CDIN1: variants seen among roughly 807,000 people sequenced by gnomAD.
CDIN1 encodes CDAN1 interacting nuclease 1.
Under a neutral mutation model 45.3 loss-of-function variants are expected in CDIN1, and 33 were observed. The ratio of observed to expected loss-of-function variants is 0.73; its 90% CI spans 0.55 to 0.97. The LOEUF is 0.97. Among genes scored for constraint, CDIN1 ranks in the 50% least tolerant of loss-of-function variants. CDIN1 has a pLI of 0.00. For synonymous variants in CDIN1, 118 were observed against 124.4 expected, an observed-to-expected ratio of 0.95 and a Z score of 0.34; for missense variants, 303 against 339.4, an observed-to-expected ratio of 0.89 and a Z score of 0.84.
At chr15:36,613,488 C>T in intron 1 of CDIN1, 1 of 1,550,666 alleles carries the variant, frequency 6.4e-7, no homozygotes, top group South Asian at 1.1e-5. Flanking sequence ...GGGATCACCA[C>T]CATCAAGGCG....
At chr15:36,800,976 G>C (rs2055025645) in intron 10 of CDIN1, among the ~76,000 whole-genome samples, 1 of 127,362 alleles carries the variant, frequency 7.9e-6, no homozygotes, top group Admixed American at 8.8e-5. Context: ...TAGAGAAGGA[G>C]TTTATTTCCC....
intron 5 of CDIN1, among the ~76,000 whole-genome samples, chr15:36,687,970 C>T (rs957458419): frequency 5.9e-5 from 9 of 151,774 alleles, no homozygotes; most frequent in Admixed American, 5.3e-4. Context: ...AAAGTGTAAA[C>T]TATAAATGAA....
At chr15:36,603,788 T>C (rs2038224032) in intron 1 of CDIN1, among the ~76,000 whole-genome samples, 1 of 152,142 alleles carries the variant, frequency 6.6e-6, no homozygotes, top group Admixed American at 6.5e-5. Flanking sequence ...CAGAGAACCC[T>C]GAAAAAAGAG....
intron 10 of CDIN1, among the ~76,000 whole-genome samples, chr15:36,769,956 A>T (rs1426830753): frequency 6.6e-6 from 1 of 152,000 alleles, no homozygotes; most frequent in African/African-American, 2.4e-5. Flanking sequence ...TATGAAATGA[A>T]CCTACAGGGT....
rs16963636 is a variant in CDIN1, at chr15:36,597,304, A to T, written c.101+17343A>T. 8.8e-4 allele frequency among the ~76,000 whole-genome samples: 134 copies of T among 152,268 alleles called. 3 individuals carry two copies. The East Asian group carries it at 0.024, about 28-fold the overall frequency. On this transcript the variant is annotated intron_variant, in intron 1 of 10. Transcript: ENST00000566621. Reference sequence around the variant, plus strand: ...GGTGATGATAGGGGTCCCAGCAAGAATTTGCAATGCTCAAACTCTTTCTTT... The same window carrying T: ...GGTGATGATAGGGGTCCCAGCAAGATTTTGCAATGCTCAAACTCTTTCTTT...
At chr15:36,730,570 T>C (rs2043800371) in intron 10 of CDIN1, among the ~76,000 whole-genome samples, 1 of 152,150 alleles carries the variant, frequency 6.6e-6, no homozygotes, top group Non-Finnish European at 1.5e-5. Flanking sequence ...TTTAGCATGT[T>C]GGGAATTTAC....
At chr15:36,720,679 G>A (rs1401287885) in intron 10 of CDIN1, among the ~76,000 whole-genome samples, 1 of 152,132 alleles carries the variant, frequency 6.6e-6, no homozygotes, top group African/African-American at 2.4e-5. Flanking sequence ...GTCTATCACT[G>A]ATGGACATTT....
chr15:36,616,975 C>G (rs1026757706), intron 1 of CDIN1: 5 of 610,164 alleles, frequency 8.2e-6, no homozygotes, highest in Non-Finnish European at 1.5e-5. Context: ...AGTATTATAC[C>G]TTTTAATATT....
chr15:36,777,028 G>T (rs1469967432), intron 10 of CDIN1, among the ~76,000 whole-genome samples: 1 of 152,012 alleles, frequency 6.6e-6, no homozygotes. Flanking sequence ...TGATCTTAAG[G>T]TTATATAATT....
chr15:36,755,291 C>G (rs1170018049), intron 10 of CDIN1, among the ~76,000 whole-genome samples: 1 of 152,138 alleles, frequency 6.6e-6, no homozygotes, highest in Non-Finnish European at 1.5e-5. Context: ...AACATCACAA[C>G]CATCACCCGG....
chr15:36,701,958 C>A, intron 8 of CDIN1: 1 of 678,076 alleles, frequency 1.5e-6, no homozygotes, highest in South Asian at 1.6e-5. Context: ...TCACCTGAAG[C>A]AATAATACTC....
chr15:36,593,428 T>G (rs1348532793), intron 1 of CDIN1, among the ~76,000 whole-genome samples: 1 of 152,194 alleles, frequency 6.6e-6, no homozygotes, highest in Non-Finnish European at 1.5e-5. Flanking sequence ...AGTAAATATG[T>G]AAGTTCAGGT....
rs189870458 is a variant in CDIN1, at chr15:36,808,595, T to C, written c.*142T>C. On this transcript the variant is annotated 3_prime_UTR_variant, in exon 11 of 11. Coordinates refer to ENST00000566621, the MANE Select transcript of CDIN1 (RefSeq NM_001321759.2). ...GCCCGTAGTCACACCACTACCTCTT[T>C]AGACAAACATATCAAGAGTTTCTGT... 417 of 1,092,922 alleles carry C rather than the reference T, an allele frequency of 3.8e-4. No homozygotes were observed. Among genetic ancestry groups the C allele is most frequent in the Admixed American group, 2.4e-3 (98 of 40,220 alleles). 67.7% of individuals were successfully genotyped at this position (1,092,922 alleles called of 1,614,324 possible).
intron 1 of CDIN1, among the ~76,000 whole-genome samples, chr15:36,630,151 C>A (rs150942745): frequency 1.3e-5 from 2 of 152,148 alleles, no homozygotes; most frequent in Non-Finnish European, 2.9e-5. Flanking sequence ...TCTTCTCACT[C>A]TGTGGTTTGA....
In CDIN1 at chr15:36,688,004, G is replaced by T. The variant is rs554371943; in HGVS notation, c.347-3681G>T. On this transcript the variant is annotated intron_variant, in intron 5 of 10. Transcript: ENST00000566621. ...AATGATAACAAAATTGTGGCATGTA[G>T]CTAAAGCAAAATTTAGAGGAAAAAT... 3.3e-5 allele frequency among the ~76,000 whole-genome samples: 5 copies of T among 152,102 alleles called. No homozygotes were observed. In the South Asian group the frequency reaches 1.0e-3, roughly 32 times the overall value.
intron 1 of CDIN1, among the ~76,000 whole-genome samples, chr15:36,584,548 T>A (rs1290497931): frequency 6.6e-6 from 1 of 152,244 alleles, no homozygotes; most frequent in East Asian, 1.9e-4. Context: ...TTTATGAATT[T>A]TTATTTTACA....
chr15:36,797,107 C>G (rs1566980242), intron 10 of CDIN1, among the ~76,000 whole-genome samples: 2 of 152,146 alleles, frequency 1.3e-5, no homozygotes, highest in Admixed American at 1.3e-4. Context: ...AACACAGATG[C>G]CTGCTGAACC....
chr15:36,579,980 C>G lies in CDIN1; in HGVS notation c.101+19C>G. ...TTCCCAGGTAAGTGTCCATCTCTCC[C>G]CTCTCACAGCCCTTTGCCTGCAGCA... On this transcript the variant is annotated intron_variant, in intron 1 of 10. Transcript: ENST00000566621. 1 of 1,602,100 alleles carries G rather than the reference C, an allele frequency of 6.2e-7. No individual in the cohort carries two copies. The highest frequency in any genetic ancestry group is 1.7e-4 in the Middle Eastern group (1 of 6,036).
intron 1 of CDIN1, among the ~76,000 whole-genome samples, chr15:36,623,022 T>A (rs1313827590): frequency 6.6e-6 from 1 of 152,244 alleles, no homozygotes; most frequent in Non-Finnish European, 1.5e-5. Flanking sequence ...GAATCTAACA[T>A]AATCTAATGC....
Sources: allele counts gnomAD v4.1 joint callset (sites outside exome capture counted in the v4.1 genomes callset), GRCh38; gene constraint gnomAD v4.1.1; transcripts MANE v1.5; gene names NCBI Gene and HGNC (gene_info 2026-07-23, HGNC 2026-07-21).